Variants in NCAM2 observed in about 807,000 individuals in gnomAD.
NCAM2 encodes the protein N-CAM-2.
NCAM2 carries 30 observed loss-of-function variants against 98.1 expected under a neutral mutation model. The observed-to-expected ratio is 0.31, with a 90% CI of 0.23 to 0.41. The LOEUF is 0.41. Among genes scored for constraint, NCAM2 ranks in the 10% least tolerant of loss-of-function variants. The probability of loss-of-function intolerance (pLI) is 1.00; values close to 1 mark genes in which losing one functional copy is unlikely to be tolerated. For synonymous variants in NCAM2, 368 were observed against 342.4 expected (o/e 1.07, Z -0.83); for missense variants, 867 against 1,005.8 (o/e 0.86, Z 1.87).
Position 21,267,729 on chromosome 21 carries a change from GCATTTAA to G in NCAM2, c.56-12842_56-12836del, listed in dbSNP as rs2072340766. Reference sequence around the variant, plus strand: ...GTTAAGAGGAAGAGTTACTATTACAGCATTTAACATTTACTGATTATTTACAATGTGT... The same window carrying G: ...GTTAAGAGGAAGAGTTACTATTACAGCATTTACTGATTATTTACAATGTGT... On this transcript the variant is annotated intron_variant, in intron 1 of 17. Coordinates refer to ENST00000400546, the MANE Select transcript of NCAM2 (RefSeq NM_004540.5). 4.6e-5 allele frequency among the ~76,000 whole-genome samples: 7 copies of G among 152,092 alleles called. No individual in the cohort carries two copies. In the South Asian group the frequency reaches 1.2e-3, roughly 27 times the overall value.
chr21:21,352,741 A>C (rs1010382902), intron 8 of NCAM2, among the ~76,000 whole-genome samples: 3 of 149,736 alleles, frequency 2.0e-5, no homozygotes, highest in African/African-American at 7.4e-5. Context: ...ATACATTTAG[A>C]AGAATGTATA....
At chr21:21,164,514 C>G (rs899010782) in intron 1 of NCAM2, among the ~76,000 whole-genome samples, 1 of 152,046 alleles carries the variant, frequency 6.6e-6, no homozygotes, top group African/African-American at 2.4e-5. Context: ...TACCTTTGGT[C>G]AGATGACAGA....
Position 21,073,279 on chromosome 21 carries a change from T to C in NCAM2, c.55+74661T>C, listed in dbSNP as rs148081368. ...GACTTCCTTTTAAAATTCCATAAAA[T>C]TTTTAGTTCTACCACTGAAAACACT... On this transcript the variant is annotated intron_variant, in intron 1 of 17. Transcript: ENST00000400546. Among the ~76,000 whole-genome samples, 322 of 152,286 alleles carry C rather than the reference T, an allele frequency of 2.1e-3. 1 individual carries two copies. Among genetic ancestry groups the C allele is most frequent in the African/African-American group, 7.3e-3 (305 of 41,580 alleles).
chr21:21,471,641 G>C (rs1335881044), intron 14 of NCAM2, among the ~76,000 whole-genome samples: 1 of 152,018 alleles, frequency 6.6e-6, no homozygotes, highest in African/African-American at 2.4e-5. Flanking sequence ...TATATTCTGA[G>C]AACAATGTAA....
intron 8 of NCAM2, among the ~76,000 whole-genome samples, chr21:21,367,764 C>A (rs910315002): frequency 6.6e-6 from 1 of 151,838 alleles, no homozygotes; most frequent in African/African-American, 2.4e-5. Context: ...TCTTATCATA[C>A]CCATTATACA....
intron 5 of NCAM2, among the ~76,000 whole-genome samples, chr21:21,301,779 A>G (rs1361907719): frequency 6.6e-6 from 1 of 151,416 alleles, no homozygotes; most frequent in Non-Finnish European, 1.5e-5. Flanking sequence ...AAAACAAACA[A>G]CCCCATCAAA....
intron 9 of NCAM2, among the ~76,000 whole-genome samples, chr21:21,395,414 A>T (rs1602210183): frequency 6.6e-6 from 1 of 152,202 alleles, no homozygotes; most frequent in East Asian, 1.9e-4. Context: ...AATGAAATAT[A>T]TCAAAGGTGG....
intron 8 of NCAM2, among the ~76,000 whole-genome samples, chr21:21,348,683 T>C (rs1161504863): frequency 2.6e-5 from 4 of 152,010 alleles, no homozygotes. Flanking sequence ...TGACTTCAAA[T>C]GATACTATAG....
intron 16 of NCAM2, among the ~76,000 whole-genome samples, chr21:21,510,734 AT>A (rs1044668685): frequency 9.7e-6 from 1 of 102,626 alleles, no homozygotes; most frequent in Non-Finnish European, 1.9e-5. Context: ...AATATATATC[AT>A]TTTTTACATA....
chr21:21,300,040 G>A (rs1158532899), intron 5 of NCAM2, among the ~76,000 whole-genome samples: 1 of 151,816 alleles, frequency 6.6e-6, no homozygotes, highest in Non-Finnish European at 1.5e-5. Context: ...TATTTTTATT[G>A]CTGTATTGGT....
chr21:21,538,503 T>G lies in NCAM2; in HGVS notation c.*546T>G, dbSNP rs1569147644. ...GTTATCTTTAGCAGATATTAAAAAT[T>G]GAAAACTTTGGAGAACTCATTTCAA... On this transcript the variant is annotated 3_prime_UTR_variant, in exon 18 of 18. Coordinates refer to ENST00000400546, the MANE Select transcript of NCAM2 (RefSeq NM_004540.5). 1 of 152,616 alleles carries G rather than the reference T, an allele frequency of 6.6e-6. No homozygotes were observed. The highest frequency in any genetic ancestry group is 1.5e-5 in the Non-Finnish European group (1 of 68,026). The allele number at this position is 152,616 out of a possible 1,614,324, so 9.5% of individuals were successfully genotyped here. A position where few individuals can be genotyped will look rare whatever the true frequency, so the allele number is the denominator to read the frequency against.
chr21:21,172,997 G>A (rs1163511300), intron 1 of NCAM2, among the ~76,000 whole-genome samples: 1 of 152,018 alleles, frequency 6.6e-6, no homozygotes, highest in Non-Finnish European at 1.5e-5. Context: ...ACTCAATAAG[G>A]GTGGACTTGA....
intron 1 of NCAM2, among the ~76,000 whole-genome samples, chr21:21,067,089 T>A (rs891017572): frequency 2.4e-4 from 37 of 151,766 alleles, no homozygotes; most frequent in African/African-American, 4.3e-4. Context: ...AACACTTTTT[T>A]AAATTATTGC....
chr21:21,533,166 C>CTTTTTCTTTTTTTTTTTT (rs1989800720), intron 16 of NCAM2, among the ~76,000 whole-genome samples: 1 of 93,804 alleles, frequency 1.1e-5, no homozygotes, highest in Non-Finnish European at 2.1e-5. Flanking sequence ...TGTTTGCTTG[C>CTTTTTCTTTTTTTTTTTT]TTTTTTTTTT....
At chr21:21,058,181 A>G (rs1251295064) in intron 1 of NCAM2, among the ~76,000 whole-genome samples, 1 of 142,012 alleles carries the variant, frequency 7.0e-6, no homozygotes, top group Admixed American at 7.3e-5. Context: ...AAAACAAACT[A>G]GCTTCCACAC....
chr21:21,280,585 T>G lies in NCAM2; in HGVS notation c.63T>G (p.Leu21=), dbSNP rs2147494102. 6.3e-7 allele frequency: 1 copy of G among 1,593,638 alleles called. No individual in the cohort carries two copies. The highest frequency in any genetic ancestry group is 2.3e-5 in the East Asian group (1 of 44,436). Residue 21 remains leucine, a synonymous_variant, in exon 2 of 18, where the codon CTT becomes CTG. Coordinates refer to ENST00000400546, the MANE Select transcript of NCAM2 (RefSeq NM_004540.5). The stretch of plus-strand genomic sequence containing the variant: ...TTCCCAATTTTTTTTCAGCTCTTCT[T>G]CAAGTGACAATTTCACTTAGCAAAG... ...GLLVSSGQAL[L]QVTISLSKVE...
At chr21:21,202,143 G>A (rs561356538) in intron 1 of NCAM2, among the ~76,000 whole-genome samples, 1 of 152,114 alleles carries the variant, frequency 6.6e-6, no homozygotes, top group South Asian at 2.1e-4. Flanking sequence ...CTTTGGAGCT[G>A]GAATATCAGG....
intron 11 of NCAM2, among the ~76,000 whole-genome samples, chr21:21,421,442 G>A (rs1009942786): frequency 6.6e-6 from 1 of 151,894 alleles, no homozygotes; most frequent in Non-Finnish European, 1.5e-5. Context: ...TCAATTCCAG[G>A]CTAAGAATTT....
intron 1 of NCAM2, among the ~76,000 whole-genome samples, chr21:21,173,985 G>C (rs557194832): frequency 6.6e-6 from 1 of 152,014 alleles, no homozygotes; most frequent in African/African-American, 2.4e-5. Flanking sequence ...GTGCAGTGGC[G>C]CAATCTCAGC....
Sources: gnomAD v4.1 joint callset for allele counts (sites outside exome capture counted in the v4.1 genomes callset) on GRCh38, gnomAD v4.1.1 for gene constraint, MANE v1.5 for transcripts, NCBI Gene and HGNC (gene_info 2026-07-23, HGNC 2026-07-21) for gene names.